Variants in BRCA2 observed in about 807,000 individuals in gnomAD.
The protein encoded by BRCA2 is BRCA2 DNA repair associated.
BRCA2 carries 203 observed loss-of-function variants against 276.7 expected under a neutral mutation model. The ratio of observed to expected loss-of-function variants is 0.73; its 90% confidence interval spans 0.65 to 0.82. BRCA2 has a LOEUF of 0.82. Among genes scored for constraint, BRCA2 ranks in the 40% least tolerant of loss-of-function variants. BRCA2 has a pLI of 0.00. For missense variants in BRCA2, 3,920 were observed against 3,915.0 expected (o/e 1.00, Z -0.03); for synonymous variants, 1,289 against 1,338.4 (o/e 0.96, Z 0.81).
At chr13:32,359,969 A>G (rs987572797) in intron 16 of BRCA2, among the ~76,000 whole-genome samples, 2 of 152,258 alleles carry the variant, frequency 1.3e-5, no homozygotes, top group Admixed American at 6.5e-5. Flanking sequence ...ATATTGAAAT[A>G]TAAGTGAATT....
At chr13:32,396,752 C>T (rs2073039040) in intron 25 of BRCA2, 146 bp from the exon 26 acceptor site, 3 of 966,770 alleles carry the variant, frequency 3.1e-6, no homozygotes, top group Non-Finnish European at 4.8e-6. Context: ...TTTGCATCGG[C>T]ATGTTTGACA....
At chr13:32,348,072 C>G (rs1209688874) in intron 13 of BRCA2, among the ~76,000 whole-genome samples, 1 of 151,926 alleles carries the variant, frequency 6.6e-6, no homozygotes, top group African/African-American at 2.4e-5. Context: ...AAAATAAGAA[C>G]AAGTTGCTAT....
At chr13:32,376,904 A>T in intron 21 of BRCA2, 113 bp downstream of exon 21, 3 of 1,442,782 alleles carry the variant, frequency 2.1e-6, no homozygotes, top group Non-Finnish European at 2.8e-6. Flanking sequence ...GCATTTCTCA[A>T]AAGGGATGTG....
chr13:32,368,105 T>C (rs2137591710), intron 18 of BRCA2, among the ~76,000 whole-genome samples: 1 of 135,216 alleles, frequency 7.4e-6, no homozygotes, highest in Non-Finnish European at 1.5e-5. Context: ...CTGCAACCTC[T>C]GCCTCCTGGA....
At position 32,339,280 on chromosome 13, in the gene BRCA2, A is replaced by G; in HGVS notation, c.4925A>G (p.Asn1642Ser). ...TTTTTGAAAGTTAAAGTACATGAAA[A>G]TGTAGAAAAAGAAACAGCAAAAAGT... ...SIFLKVKVHE[N>S]VEKETAKSPA... Residue 1642 changes from asparagine (N) to serine (S), a missense_variant, in exon 11 of 27, where the codon AAT becomes AGT. By Grantham distance (46) the Asn-to-Ser change is conservative (BLOSUM62 1). Coordinates refer to ENST00000380152, the MANE Select transcript of BRCA2 (RefSeq NM_000059.4). 1.9e-6 allele frequency: 3 copies of G among 1,608,150 alleles called. No individual in the cohort carries two copies. Among genetic ancestry groups the G allele is most frequent in the Non-Finnish European group, 2.5e-6 (3 of 1,178,302 alleles).
At position 32,370,533 on chromosome 13, in the gene BRCA2, T is replaced by G; in HGVS notation, c.8463T>G (p.Ile2821Met). ...DGGNVGCVDV[I>M]IQRAYPIQWM... ...GAAATGTTGGTTGTGTTGATGTAAT[T>G]ATTCAAAGAGCATACCCTATACAGG... is the stretch of plus-strand genomic sequence containing the variant. The change falls in exon 19 of 27, where the codon ATT (isoleucine) becomes ATG (methionine). Residue 2821 changes from isoleucine to methionine, a missense_variant. By Grantham distance (10) the Ile-to-Met change is conservative (BLOSUM62 1). Around this residue, in one of 2 missense-constraint regions of BRCA2, gnomAD observed 657 missense variants for 758.2 expected, o/e 0.87. Transcript: ENST00000380152. 6.2e-7 allele frequency: 1 copy of G among 1,613,738 alleles called. No homozygotes were observed. Among genetic ancestry groups the G allele is most frequent in the East Asian group, 2.2e-5 (1 of 44,880 alleles).
Position 32,330,949 on chromosome 13 carries a change from G to C in BRCA2, c.712G>C (p.Glu238Gln), listed in dbSNP as rs56383036. The C allele has an allele frequency of 6.2e-7, 1 of 1,612,782 alleles. No homozygotes were observed. Among genetic ancestry groups the C allele is most frequent in the African/African-American group, 1.3e-5 (1 of 75,004 alleles). Reference sequence around the variant, plus strand: ...GAAAAGCTATTTTTCCAATCATGATGAAAGTCTGAAGAAAAATGATAGATT... The same window carrying C: ...GAAAAGCTATTTTTCCAATCATGATCAAAGTCTGAAGAAAAATGATAGATT... The part of the protein sequence containing the change: ...NVKSYFSNHD[E>Q]SLKKNDRFIA... Residue 238 changes from glutamate (E) to glutamine (Q), a missense_variant, in exon 9 of 27, where the codon GAA becomes CAA. Transcript: ENST00000380152.
chr13:32,379,133 GA>G (rs2072893985), intron 21 of BRCA2, among the ~76,000 whole-genome samples, 183 bp from the exon 22 acceptor site: 1 of 152,154 alleles, frequency 6.6e-6, no homozygotes, highest in Non-Finnish European at 1.5e-5. Context: ...TTGCCGTAGG[GA>G]AATAGAATTA....
At position 32,332,945 on chromosome 13, in the gene BRCA2, T is replaced by A. The variant is rs1396170834; in HGVS notation, c.1467T>A (p.Ser489=). ...TTCTTGCAGTAAAGCAGGCAATATC[T>A]GGAACTTCTCCAGTGGCTTCTTCAT... ...DCILAVKQAI[S]GTSPVASSFQ... The change falls in exon 10 of 27, where the codon TCT becomes TCA. Residue 489 remains serine, a synonymous_variant. Coordinates refer to ENST00000380152, the MANE Select transcript of BRCA2 (RefSeq NM_000059.4). The A allele has an allele frequency of 6.2e-7, 1 of 1,606,108 alleles. No individual in the cohort carries two copies. The highest frequency in any genetic ancestry group is 2.2e-5 in the East Asian group (1 of 44,842).
chr13:32,397,197 AATTTT>A (rs1169855396), intron 26 of BRCA2, among the ~76,000 whole-genome samples, 153 bp downstream of exon 26: 4 of 152,226 alleles, frequency 2.6e-5, no homozygotes, highest in African/African-American at 9.6e-5. Flanking sequence ...GTTATTTAGA[AATTTT>A]ATTTATTGAA....
intron 21 of BRCA2, among the ~76,000 whole-genome samples, chr13:32,377,778 T>G (rs1786462405): frequency 6.6e-6 from 1 of 152,212 alleles, no homozygotes; most frequent in Non-Finnish European, 1.5e-5. Flanking sequence ...AAGATTAGTT[T>G]GTTAGGGAGG....
At chr13:32,347,040 G>A in intron 13 of BRCA2, 144 bp downstream of exon 13, 1 of 597,226 alleles carries the variant, frequency 1.7e-6, no homozygotes, top group Non-Finnish European at 2.8e-6. Context: ...TACTTTGGTA[G>A]TATTTTATAG....
chr13:32,322,280 A>G (rs2072310813), intron 3 of BRCA2, among the ~76,000 whole-genome samples: 1 of 152,226 alleles, frequency 6.6e-6, no homozygotes, highest in South Asian at 2.1e-4. Context: ...TCACTTAGCA[A>G]TATGCCGAGA....
Position 32,337,894 on chromosome 13 carries a change from A to G in BRCA2, c.3539A>G (p.Lys1180Arg), listed in dbSNP as rs28897720. The G allele has an allele frequency of 6.0e-5, 97 of 1,613,996 alleles. No homozygotes were observed. The highest frequency in any genetic ancestry group is 7.5e-5 in the Non-Finnish European group (89 of 1,179,978). The change falls in exon 11 of 27, where the codon AAG becomes AGG. Residue 1180 changes from lysine (K) to arginine (R), a missense_variant. This residue lies in a region of BRCA2 where 3,263 missense variants were observed against 3,156.9 expected (regional missense o/e 1.03). Coordinates refer to ENST00000380152, the MANE Select transcript of BRCA2 (RefSeq NM_000059.4). The part of the protein sequence containing the change: ...APSIGQVDSS[K>R]QFEGTVEIKR... ...TCGATTGGTCAGGTAGACAGCAGCA[A>G]GCAATTTGAAGGTACAGTTGAAATT...
Position 32,350,880 on chromosome 13 carries a change from C to T in BRCA2, c.7008-3981C>T, listed in dbSNP as rs535604298. 2.0e-5 allele frequency among the ~76,000 whole-genome samples: 3 copies of T among 152,308 alleles called. No homozygotes were observed. The East Asian group carries it at 5.8e-4, about 29-fold the overall frequency. On this transcript the variant is annotated intron_variant, in intron 13 of 26. Transcript: ENST00000380152. ...ATAGTGAGAGGTGAAGCTGGCTGGG[C>T]TTCTGGGTCGTGTGGGGACTTGGAG...
Position 32,398,927 on chromosome 13 carries a change from G to C in BRCA2, c.*157G>C. 1 of 921,984 alleles carries C rather than the reference G, an allele frequency of 1.1e-6. No homozygotes were observed. The highest frequency in any genetic ancestry group is 1.6e-6 in the Non-Finnish European group (1 of 640,236). 57.1% of individuals were successfully genotyped at this position (921,984 alleles called of 1,614,324 possible). A position where few individuals can be genotyped will look rare whatever the true frequency, so the allele number is the denominator to read the frequency against. On this transcript the variant is annotated 3_prime_UTR_variant, in exon 27 of 27. Transcript: ENST00000380152. ...AGCGTTTGTGTATCGGGCAAAAATCGTTTTGCCCGATTCCGTATTGGTATA... is the reference window on the plus strand; with the variant it reads ...AGCGTTTGTGTATCGGGCAAAAATCCTTTTGCCCGATTCCGTATTGGTATA...
chr13:32,368,877 C>T (rs2072807641), intron 18 of BRCA2, among the ~76,000 whole-genome samples: 1 of 148,702 alleles, frequency 6.7e-6, no homozygotes, highest in East Asian at 2.0e-4. Context: ...GTGGTGCGAT[C>T]TCGGCTCACT....
rs431825368 is a variant in BRCA2, at chr13:32,376,751, A to G, written c.8714A>G (p.Tyr2905Cys). ...GCTTTGCAAGATGGTGCAGAGCTTT[A>G]TGAAGCAGTGAAGAATGCAGCAGAC... ...VRALQDGAELYEAVKNAADPA... is the reference protein window; with the variant it reads ...VRALQDGAELCEAVKNAADPA... Residue 2905 changes from tyrosine (Y) to cysteine (C), a missense_variant, in exon 21 of 27, where the codon TAT becomes TGT. Coordinates refer to ENST00000380152, the MANE Select transcript of BRCA2 (RefSeq NM_000059.4). 8.1e-6 allele frequency: 13 copies of G among 1,614,202 alleles called. No individual in the cohort carries two copies. In the South Asian group the frequency reaches 1.4e-4, roughly 18 times the overall value.
At chr13:32,359,331 A>G (rs973070552) in intron 16 of BRCA2, among the ~76,000 whole-genome samples, 4 of 152,082 alleles carry the variant, frequency 2.6e-5, no homozygotes, top group Admixed American at 2.6e-4. Flanking sequence ...ATTTTAATGG[A>G]TACAAAATAT....
Sources: gnomAD v4.1 joint callset for allele counts (sites outside exome capture counted in the v4.1 genomes callset) on GRCh38, gnomAD v4.1.1 for gene constraint, gnomAD v4.1.1 regional missense constraint, MANE v1.5 for transcripts, NCBI Gene and HGNC (gene_info 2026-07-23, HGNC 2026-07-21) for gene names.